The following PRAG1 variants were observed in gnomAD, a reference collection of about 807,000 sequenced individuals.
PRAG1 encodes the protein inactive tyrosine-protein kinase PRAG1.
Under a neutral mutation model 95.6 loss-of-function variants are expected in PRAG1, and 110 were observed. That is an observed-to-expected ratio of 1.15 (90% confidence interval 0.99 to 1.35). PRAG1 has a LOEUF of 1.35. Ranked by LOEUF, PRAG1 falls within the 40% of genes most tolerant of loss-of-function variation. The pLI, the probability that PRAG1 is intolerant of heterozygous loss-of-function variation, is 0.00. For missense variants in PRAG1, 2,554 were observed against 1,864.7 expected, an observed-to-expected ratio of 1.37 and a Z score of -6.81; for synonymous variants, 1,052 against 819.4, an observed-to-expected ratio of 1.28 and a Z score of -4.85.
At position 8,332,416 on chromosome 8, in the gene PRAG1, G is replaced by A. The variant is rs543948822; in HGVS notation, c.2321-3955C>T. The stretch of plus-strand genomic sequence containing the variant: ...GACCTTCAGGTGATCCACCCACCTC[G>A]GACTCCTAAAGTGCTGGGATTCCAG... On this transcript the variant is annotated intron_variant, in intron 4 of 5. Coordinates refer to ENST00000615670, the MANE Select transcript of PRAG1 (RefSeq NM_001080826.3). Among the ~76,000 whole-genome samples, 9 of 152,154 alleles carry A rather than the reference G, an allele frequency of 5.9e-5. No individual in the cohort carries two copies. The South Asian group carries it at 1.0e-3, about 18-fold the overall frequency.
chr8:8,337,590 G>T (rs966869012), intron 4 of PRAG1, among the ~76,000 whole-genome samples: 1 of 152,152 alleles, frequency 6.6e-6, no homozygotes, highest in African/African-American at 2.4e-5. Flanking sequence ...AGATAGAATG[G>T]TTGGCTCTCA....
In PRAG1 at chr8:8,318,764, G is replaced by C; in HGVS notation, c.3611C>G (p.Pro1204Arg). Residue 1204 changes from proline (P) to arginine (R), a missense_variant, in exon 6 of 6, where the codon CCC becomes CGC. Physicochemically the swap from Pro to Arg is moderately radical, Grantham distance 103. Transcript: ENST00000615670. The surrounding 1 kb of genome is among the most constrained non-coding windows in gnomAD (Gnocchi z 4.2). The part of the protein sequence containing the change: ...PAAGPASPEG[P>R]REKQLPRLII... ...GAGCCGGGGCAGCTGCTTCTCCCGG[G>C]GCCCTTCCGGGGAGGCGGGGCCGGC... 6.3e-7 allele frequency: 1 copy of C among 1,577,490 alleles called. No homozygotes were observed.
chr8:8,340,179 T>G (rs1165278104), intron 3 of PRAG1, among the ~76,000 whole-genome samples: 2 of 152,188 alleles, frequency 1.3e-5, no homozygotes, highest in Non-Finnish European at 2.9e-5. Context: ...GAACCAGACT[T>G]CCAGTGACAT....
chr8:8,354,456 T>C (rs896177386), intron 3 of PRAG1, among the ~76,000 whole-genome samples: 1 of 151,908 alleles, frequency 6.6e-6, no homozygotes, highest in Non-Finnish European at 1.5e-5. Flanking sequence ...ACCTTGATAC[T>C]GAAGCTTGAC....
At chr8:8,384,546 A>C (rs1195639254) in intron 1 of PRAG1, among the ~76,000 whole-genome samples, 1 of 143,614 alleles carries the variant, frequency 7.0e-6, no homozygotes, top group Non-Finnish European at 1.5e-5. Flanking sequence ...TCATTGACTC[A>C]CTGCATCCTG....
At chr8:8,320,345 G>A (rs2980503) in intron 5 of PRAG1, among the ~76,000 whole-genome samples, 47,685 of 151,936 alleles carry the variant, frequency 0.31, 7,846 homozygotes, top group African/African-American at 0.41. Context: ...GAAGGTCTCA[G>A]GCTTCTCTGT....
chr8:8,342,355 C>T (rs775943567), intron 3 of PRAG1, among the ~76,000 whole-genome samples: 13 of 151,668 alleles, frequency 8.6e-5, no homozygotes, highest in Non-Finnish European at 1.9e-4. Flanking sequence ...ACCACCACGC[C>T]CCGCTAATTT....
intron 1 of PRAG1, among the ~76,000 whole-genome samples, chr8:8,384,520 C>T (rs1800785817): frequency 6.6e-6 from 1 of 150,762 alleles, no homozygotes; most frequent in African/African-American, 2.5e-5. Context: ...CAAATGAAGC[C>T]CTGGGCTTCC....
intron 3 of PRAG1, among the ~76,000 whole-genome samples, chr8:8,363,044 GAT>G (rs1006606821): frequency 3.4e-5 from 5 of 148,096 alleles, no homozygotes; most frequent in African/African-American, 9.9e-5. Flanking sequence ...AAAGTATAAA[GAT>G]ATATATATAT....
At chr8:8,355,001 T>C (rs1379409151) in intron 3 of PRAG1, among the ~76,000 whole-genome samples, 11 of 152,024 alleles carry the variant, frequency 7.2e-5, no homozygotes. Context: ...TATTTACAGA[T>C]GACATAATCT....
intron 4 of PRAG1, among the ~76,000 whole-genome samples, chr8:8,331,680 T>C (rs1023509364): frequency 6.6e-6 from 1 of 152,204 alleles, no homozygotes; most frequent in African/African-American, 2.4e-5. Context: ...ATTCCCTAGA[T>C]GACCAAAGAG....
Position 8,381,758 on chromosome 8 carries a change from C to G in PRAG1, c.-11G>C. 1 of 1,564,686 alleles carries G rather than the reference C, an allele frequency of 6.4e-7. No individual in the cohort carries two copies. The highest frequency in any genetic ancestry group is 1.2e-5 in the South Asian group (1 of 83,554). Reference sequence around the variant, plus strand: ...GAGGGTCTGGTGCATCTTGAGCCGACAGGGTGCTGGTTCATCTTGCGCCCG... The same window carrying G: ...GAGGGTCTGGTGCATCTTGAGCCGAGAGGGTGCTGGTTCATCTTGCGCCCG... On this transcript the variant is annotated 5_prime_UTR_variant, in exon 2 of 6. Transcript: ENST00000615670.
intron 5 of PRAG1, among the ~76,000 whole-genome samples, chr8:8,325,844 T>C (rs1421143374): frequency 1.4e-5 from 2 of 146,128 alleles, no homozygotes; most frequent in East Asian, 2.0e-4. Context: ...ACCCAGGAGA[T>C]GGAGGTTGCA....
At chr8:8,345,379 A>AAAAAG (rs1799306289) in intron 3 of PRAG1, among the ~76,000 whole-genome samples, 3 of 151,548 alleles carry the variant, frequency 2.0e-5, no homozygotes, top group East Asian at 1.9e-4. Flanking sequence ...AAAAAAAAAA[A>AAAAAG]AAAGAAAGAA....
At chr8:8,380,229 C>G (rs1040690757) in intron 2 of PRAG1, among the ~76,000 whole-genome samples, 1 of 151,650 alleles carries the variant, frequency 6.6e-6, no homozygotes, top group Non-Finnish European at 1.5e-5. Flanking sequence ...TAGCCGAGAT[C>G]GCAACACTGC....
chr8:8,334,890 C>CT (rs1285838709), intron 4 of PRAG1, among the ~76,000 whole-genome samples: 1 of 151,838 alleles, frequency 6.6e-6, no homozygotes, highest in East Asian at 1.9e-4. Flanking sequence ...TGAGACCAGC[C>CT]TGGCCAACAT....
intron 3 of PRAG1, among the ~76,000 whole-genome samples, chr8:8,368,957 T>C (rs1406988847): frequency 6.7e-6 from 1 of 149,420 alleles, no homozygotes; most frequent in Non-Finnish European, 1.5e-5. Context: ...TAGAGACCGG[T>C]AGCAGGAATG....
chr8:8,384,441 C>A (rs926733497), intron 1 of PRAG1, among the ~76,000 whole-genome samples: 4 of 151,990 alleles, frequency 2.6e-5, no homozygotes, highest in Non-Finnish European at 2.9e-5. Flanking sequence ...AGGCAACTTT[C>A]ATCACACGAC....
At chr8:8,383,303 G>C (rs553791525) in intron 1 of PRAG1, among the ~76,000 whole-genome samples, 1 of 152,322 alleles carries the variant, frequency 6.6e-6, no homozygotes, top group South Asian at 2.1e-4. Flanking sequence ...AGGCGCGGTG[G>C]CTCACGCCTG....
Sources: gnomAD v4.1 joint callset for allele counts (sites outside exome capture counted in the v4.1 genomes callset) on GRCh38, gnomAD v4.1.1 for gene constraint, Gnocchi (gnomAD v3.1) non-coding constraint, MANE v1.5 for transcripts, NCBI Gene and HGNC (gene_info 2026-07-23, HGNC 2026-07-21) for gene names.